Variants in FRY observed in about 807,000 individuals in gnomAD.
The protein encoded by FRY is protein furry homolog.
In FRY, 128 loss-of-function variants were observed where a neutral mutation model predicts 348.4. That is an observed-to-expected ratio of 0.37 (90% confidence interval 0.32 to 0.43). FRY has a LOEUF of 0.43. Among genes scored for constraint, FRY ranks in the 20% least tolerant of loss-of-function variants. The probability of loss-of-function intolerance (pLI) is 1.00; values close to 1 mark genes in which losing one functional copy is unlikely to be tolerated. For missense variants in FRY, 2,736 were observed against 3,695.2 expected (o/e 0.74, Z 6.73); for synonymous variants, 1,370 against 1,374.7 (o/e 1.00, Z 0.08).
chr13:32,216,687 C>T (rs1885010877), intron 35 of FRY, among the ~76,000 whole-genome samples: 1 of 152,206 alleles, frequency 6.6e-6, no homozygotes, highest in Non-Finnish European at 1.5e-5. Context: ...CATTTATCAG[C>T]ATAAATATGA....
intron 10 of FRY, 61 bp downstream of exon 10, chr13:32,135,244 C>CT: frequency 5.8e-6 from 6 of 1,026,200 alleles, no homozygotes; most frequent in Non-Finnish European, 7.7e-6. Flanking sequence ...AATTCCTAGA[C>CT]AGGAATCTGT....
At position 32,184,964 on chromosome 13, in the gene FRY, C is replaced by T. The variant is rs975534172; in HGVS notation, c.3147-12C>T. The T allele has an allele frequency of 1.3e-5, 21 of 1,611,752 alleles. No homozygotes were observed. The highest frequency in any genetic ancestry group is 1.6e-5 in the Non-Finnish European group (19 of 1,178,278). ...ACTGATCATCTAAAAGTTTCATTTT[C>T]CTTTATTCCAGCACAAATGGAGCCC... On this transcript the variant is annotated splice_polypyrimidine_tract_variant and intron_variant, in intron 25 of 60. Coordinates refer to ENST00000542859, the MANE Select transcript of FRY (RefSeq NM_023037.3).
At chr13:32,147,474 G>C (rs1340731619) in intron 12 of FRY, 89 bp downstream of exon 12, 4 of 771,718 alleles carry the variant, frequency 5.2e-6, no homozygotes, top group African/African-American at 1.7e-5. Context: ...AACTCAACTA[G>C]AAGCTATTCA....
At chr13:32,133,504 A>C (rs1245812025) in intron 8 of FRY, among the ~76,000 whole-genome samples, 2 of 152,208 alleles carry the variant, frequency 1.3e-5, no homozygotes, top group Non-Finnish European at 2.9e-5. Context: ...TTACATACTT[A>C]TGCAAAATAA....
intron 2 of FRY, chr13:32,086,032 C>T (rs751750992): frequency 2.3e-5 from 12 of 514,992 alleles, no homozygotes; most frequent in Admixed American, 5.9e-5. Context: ...AAGACCTAGG[C>T]GGTAAAACCA....
intron 13 of FRY, among the ~76,000 whole-genome samples, chr13:32,149,114 G>GAT (rs1467362303): frequency 2.0e-5 from 3 of 146,654 alleles, no homozygotes; most frequent in Non-Finnish European, 4.5e-5. Flanking sequence ...ATATATACCT[G>GAT]ATATATATAT....
intron 2 of FRY, 85 bp downstream of exon 2, chr13:32,079,118 G>T: frequency 1.0e-6 from 1 of 961,176 alleles, no homozygotes; most frequent in Non-Finnish European, 1.7e-6. Context: ...ACAAAAGATG[G>T]ATTGCTTTTC....
At chr13:32,149,725 TTG>T (rs777071759) in intron 13 of FRY, 21 bp from the exon 14 acceptor site, 2 of 1,371,062 alleles carry the variant, frequency 1.5e-6, no homozygotes, top group East Asian at 4.6e-5. Context: ...CACTTTCATT[TTG>T]TGTTCTTGTT....
chr13:32,283,779 A>AG (rs1165619045), intron 58 of FRY, among the ~76,000 whole-genome samples: 2 of 152,236 alleles, frequency 1.3e-5, no homozygotes, highest in Non-Finnish European at 2.9e-5. Context: ...TGCTTGTGTC[A>AG]TAAGAACACT....
At chr13:32,136,127 T>C (rs1879699455) in intron 10 of FRY, among the ~76,000 whole-genome samples, 1 of 152,224 alleles carries the variant, frequency 6.6e-6, no homozygotes. Flanking sequence ...TACATTTTTA[T>C]TTCATGGCCC....
chr13:32,245,727 G>A (rs1886759851), intron 47 of FRY, among the ~76,000 whole-genome samples: 1 of 152,228 alleles, frequency 6.6e-6, no homozygotes, highest in African/African-American at 2.4e-5. Context: ...TCCAGGCCAT[G>A]GGAGTAGTGC....
chr13:32,195,537 C>T lies in FRY; in HGVS notation c.3746+1240C>T, dbSNP rs1883624568. Among the ~76,000 whole-genome samples, 4 of 152,186 alleles carry T rather than the reference C, an allele frequency of 2.6e-5. No homozygotes were observed. In the South Asian group the frequency reaches 8.3e-4, roughly 32 times the overall value. On this transcript the variant is annotated intron_variant, in intron 29 of 60. Transcript: ENST00000542859. ...GACAAAAATAAGTTTCACCTCTTCG[C>T]TGCCCTTCTCCCAGTGAACTTGGCT...
intron 28 of FRY, among the ~76,000 whole-genome samples, chr13:32,190,252 T>C (rs866243885): frequency 1.3e-5 from 2 of 151,946 alleles, no homozygotes; most frequent in Admixed American, 1.3e-4. Context: ...AAGTGTTCTC[T>C]CTGAGATTAA....
intron 43 of FRY, 127 bp downstream of exon 43, chr13:32,236,299 G>A: frequency 2.8e-6 from 2 of 704,858 alleles, no homozygotes; most frequent in East Asian, 5.4e-5. Flanking sequence ...ACCTGAAAAA[G>A]TATGTGTAAT....
intron 4 of FRY, among the ~76,000 whole-genome samples, chr13:32,120,955 C>A (rs1036642419): frequency 6.6e-6 from 1 of 152,218 alleles, no homozygotes; most frequent in Non-Finnish European, 1.5e-5. Flanking sequence ...CCACCATGCC[C>A]AGCCCACATT....
Position 32,210,825 on chromosome 13 carries a change from G to A in FRY, c.4423-41G>A, listed in dbSNP as rs770524212. The A allele has an allele frequency of 1.9e-5, 30 of 1,563,358 alleles. No individual in the cohort carries two copies. The Admixed American group carries it at 4.8e-4, about 25-fold the overall frequency. ...ACTGGCCTAGTGTTCCTGTGGACTA[G>A]GCTCTGTGAAACATCCCTTGTTTTC... is the stretch of plus-strand genomic sequence containing the variant. On this transcript the variant is annotated intron_variant, in intron 33 of 60. Coordinates refer to ENST00000542859, the MANE Select transcript of FRY (RefSeq NM_023037.3).
At chr13:32,264,869 T>G (rs1385733388) in intron 53 of FRY, among the ~76,000 whole-genome samples, 1 of 152,222 alleles carries the variant, frequency 6.6e-6, no homozygotes, top group Non-Finnish European at 1.5e-5. Context: ...GGAAGGACTC[T>G]GGATCACTCG....
intron 54 of FRY, among the ~76,000 whole-genome samples, chr13:32,266,365 CT>C (rs762165804): frequency 5.0e-4 from 76 of 152,218 alleles, no homozygotes; most frequent in Non-Finnish European, 1.0e-3. Flanking sequence ...GCCTCTCTGT[CT>C]CACTTTCCCT....
At position 32,072,967 on chromosome 13, in the gene FRY, A is replaced by G. The variant is rs1456122875; in HGVS notation, c.71-5867A>G. The stretch of plus-strand genomic sequence containing the variant: ...AGTTGTTTAATCAGATCACCTTTCT[A>G]TGATGAGTTCTACTTTGAATATTTG... On this transcript the variant is annotated intron_variant, in intron 1 of 60. Transcript: ENST00000542859. Among the ~76,000 whole-genome samples the G allele has an allele frequency of 2.0e-5, 3 of 152,264 alleles. No homozygotes were observed. The East Asian group carries it at 5.8e-4, about 29-fold the overall frequency.
Sources: gnomAD v4.1 joint callset for allele counts (sites outside exome capture counted in the v4.1 genomes callset) on GRCh38, gnomAD v4.1.1 for gene constraint, MANE v1.5 for transcripts, NCBI Gene and HGNC (gene_info 2026-07-23, HGNC 2026-07-21) for gene names.